The following DACH1 variants were observed in gnomAD, a reference collection of about 807,000 sequenced individuals.
DACH1 encodes dachshund homolog 1.
Under a neutral mutation model 54.2 loss-of-function variants are expected in DACH1, and 12 were observed. The ratio of observed to expected loss-of-function variants is 0.22; its 90% CI spans 0.14 to 0.36. DACH1 has a LOEUF of 0.36. Among genes scored for constraint, DACH1 ranks in the 10% least tolerant of loss-of-function variants. The probability of loss-of-function intolerance (pLI) is 1.00; values close to 1 mark genes in which losing one functional copy is unlikely to be tolerated. For missense variants in DACH1, 805 were observed against 929.8 expected (o/e 0.87, Z 1.75); for synonymous variants, 386 against 366.2 (o/e 1.05, Z -0.62).
intron 1 of DACH1, among the ~76,000 whole-genome samples, chr13:71,834,592 G>A (rs74992359): frequency 0.08 from 12,126 of 151,904 alleles, 1,497 homozygotes; most frequent in African/African-American, 0.26. Flanking sequence ...AATTCCACAC[G>A]CTTTTTAACG....
At chr13:71,793,707 TG>T (rs1467028210) in intron 1 of DACH1, among the ~76,000 whole-genome samples, 2 of 152,140 alleles carry the variant, frequency 1.3e-5, no homozygotes, top group Non-Finnish European at 2.9e-5. Context: ...TTTTATTTTT[TG>T]TAGAGATGAG....
intron 1 of DACH1, among the ~76,000 whole-genome samples, chr13:71,693,412 C>T (rs1029424659): frequency 1.3e-5 from 2 of 149,058 alleles, no homozygotes; most frequent in Non-Finnish European, 3.0e-5. Context: ...ACGCCATTCT[C>T]CTGCCTCAGC....
At chr13:71,467,084 T>A (rs1323653572) in intron 10 of DACH1, among the ~76,000 whole-genome samples, 2 of 71,332 alleles carry the variant, frequency 2.8e-5, no homozygotes, top group African/African-American at 3.9e-5. Context: ...ATTCTATTAC[T>A]ATTTTGAGCA....
At chr13:71,537,084 C>T (rs563388771) in intron 6 of DACH1, among the ~76,000 whole-genome samples, 1 of 152,198 alleles carries the variant, frequency 6.6e-6, no homozygotes, top group Non-Finnish European at 1.5e-5. Flanking sequence ...GCTCTGATCA[C>T]TTCCCTACCT....
At chr13:71,497,486 C>T (rs143436189) in intron 6 of DACH1, among the ~76,000 whole-genome samples, 14 of 152,086 alleles carry the variant, frequency 9.2e-5, no homozygotes, top group South Asian at 2.1e-4. Flanking sequence ...TATGGGCCAC[C>T]GTACCGGGCT....
At chr13:71,477,151 T>C (rs918950185) in intron 8 of DACH1, among the ~76,000 whole-genome samples, 28 of 139,540 alleles carry the variant, frequency 2.0e-4, no homozygotes, top group African/African-American at 7.5e-4. Flanking sequence ...AGTCTCGCTC[T>C]GTTGCCCAGC....
intron 3 of DACH1, among the ~76,000 whole-genome samples, chr13:71,619,761 C>G (rs186495871): frequency 3.0e-4 from 45 of 151,892 alleles, no homozygotes; most frequent in African/African-American, 1.1e-3. Context: ...GTATGAGTGT[C>G]TAGCTAAGTT....
At chr13:71,568,120 A>T (rs1271722159) in intron 4 of DACH1, among the ~76,000 whole-genome samples, 1 of 152,048 alleles carries the variant, frequency 6.6e-6, no homozygotes, top group African/African-American at 2.4e-5. Flanking sequence ...AGCTAATGTG[A>T]TAGTCTGGGA....
chr13:71,606,632 T>G (rs1204272843), intron 3 of DACH1, among the ~76,000 whole-genome samples: 1 of 152,016 alleles, frequency 6.6e-6, no homozygotes, highest in Non-Finnish European at 1.5e-5. Context: ...TAATGAAGCA[T>G]GCCAACACTG....
intron 3 of DACH1, among the ~76,000 whole-genome samples, chr13:71,610,095 A>G (rs779961108): frequency 3.9e-5 from 6 of 151,990 alleles, no homozygotes; most frequent in Non-Finnish European, 5.9e-5. Context: ...CTACACTGAT[A>G]GAAAAAAAAA....
Position 71,453,624 on chromosome 13 carries a change from C to A in DACH1, c.2084-12932G>T, listed in dbSNP as rs558624257. On this transcript the variant is annotated intron_variant, in intron 10 of 10. Coordinates refer to ENST00000613252, the MANE Select transcript of DACH1 (RefSeq NM_080759.6). The stretch of plus-strand genomic sequence containing the variant: ...GCTTTTAAAAGTTCAGCATTTTCTA[C>A]TTTTTTTCTATTTTCTCCAACATGA... Among the ~76,000 whole-genome samples, 193 of 152,196 alleles carry A rather than the reference C, an allele frequency of 1.3e-3. 1 individual carries two copies. The highest frequency in any genetic ancestry group is 4.5e-3 in the African/African-American group (187 of 41,540).
At chr13:71,628,442 A>G (rs1876826052) in intron 3 of DACH1, among the ~76,000 whole-genome samples, 1 of 152,100 alleles carries the variant, frequency 6.6e-6, no homozygotes, top group Non-Finnish European at 1.5e-5. Context: ...ACAGATATCT[A>G]ATATAAATGA....
chr13:71,583,300 ATT>A (rs1872978050), intron 3 of DACH1, among the ~76,000 whole-genome samples: 3 of 152,108 alleles, frequency 2.0e-5, no homozygotes, highest in Admixed American at 2.0e-4. Flanking sequence ...AGTCACATTC[ATT>A]TTTGTTTCTT....
chr13:71,746,474 G>T (rs1449140857), intron 1 of DACH1, among the ~76,000 whole-genome samples: 1 of 152,062 alleles, frequency 6.6e-6, no homozygotes, highest in Non-Finnish European at 1.5e-5. Flanking sequence ...ACTAAAAAAG[G>T]CATAATGATT....
chr13:71,780,765 T>A (rs1399577296), intron 1 of DACH1, among the ~76,000 whole-genome samples: 1 of 152,156 alleles, frequency 6.6e-6, no homozygotes, highest in African/African-American at 2.4e-5. Context: ...GAAATCACTT[T>A]CTTTCCTGCC....
intron 2 of DACH1, among the ~76,000 whole-genome samples, chr13:71,635,926 A>C (rs1566395788): frequency 1.3e-5 from 2 of 151,992 alleles, no homozygotes; most frequent in African/African-American, 2.4e-5. Context: ...GATTATAGGC[A>C]AACACCACCA....
chr13:71,598,232 T>G (rs898069640), intron 3 of DACH1, among the ~76,000 whole-genome samples: 2 of 152,138 alleles, frequency 1.3e-5, no homozygotes, highest in African/African-American at 4.8e-5. Flanking sequence ...ATAAATATTT[T>G]GATAAATGTT....
intron 2 of DACH1, among the ~76,000 whole-genome samples, chr13:71,644,434 T>C (rs1878131001): frequency 6.6e-6 from 1 of 152,188 alleles, no homozygotes; most frequent in Admixed American, 6.5e-5. Flanking sequence ...GCTGGCACTG[T>C]GTTGAGGATG....
chr13:71,597,011 A>G (rs1487345387), intron 3 of DACH1, among the ~76,000 whole-genome samples: 1 of 152,198 alleles, frequency 6.6e-6, no homozygotes, highest in Non-Finnish European at 1.5e-5. Flanking sequence ...TTAATTAAAT[A>G]TAAGTCTAAA....
Sources: gnomAD v4.1 joint callset for allele counts (sites outside exome capture counted in the v4.1 genomes callset) on GRCh38, gnomAD v4.1.1 for gene constraint, MANE v1.5 for transcripts, NCBI Gene and HGNC (gene_info 2026-07-23, HGNC 2026-07-21) for gene names.